Variants in PRKN observed in about 807,000 individuals in gnomAD.
PRKN encodes the protein parkin RBR E3 ubiquitin protein ligase.
In PRKN, 56 loss-of-function variants were observed where a neutral mutation model predicts 59.5. That is an observed-to-expected ratio of 0.94 (90% CI 0.76 to 1.18). PRKN has a LOEUF of 1.18. Among genes scored for constraint, PRKN ranks in the 50% most tolerant of loss-of-function variants. PRKN has a pLI of 0.00. For synonymous variants in PRKN, 250 were observed against 222.1 expected (o/e 1.13, Z -1.12); for missense variants, 657 against 596.4 (o/e 1.10, Z -1.06).
Position 162,127,378 on chromosome 6 carries a change from G to A in PRKN, c.535-73204C>T, listed in dbSNP as rs574244491. 1.2e-4 allele frequency among the ~76,000 whole-genome samples: 19 copies of A among 152,302 alleles called. 1 individual carries two copies. In the South Asian group the frequency reaches 3.9e-3, roughly 32 times the overall value. On this transcript the variant is annotated intron_variant, in intron 4 of 11. Transcript: ENST00000366898. ...TGCTGTCTAGCAAAAAGGAGCTAAA[G>A]AGTGAGAAAGATGAGTTAAAAATGC...
chr6:162,039,918 C>A (rs964916594), intron 5 of PRKN, among the ~76,000 whole-genome samples: 24 of 152,096 alleles, frequency 1.6e-4, no homozygotes, highest in Non-Finnish European at 3.1e-4. Flanking sequence ...ACAAACCACC[C>A]CAAATGTTAG....
chr6:161,427,906 C>A (rs1788459119), intron 9 of PRKN, among the ~76,000 whole-genome samples: 1 of 152,116 alleles, frequency 6.6e-6, no homozygotes, highest in South Asian at 2.1e-4. Context: ...GGCGTGACTC[C>A]AGACTGAAAT....
At chr6:161,861,341 T>C (rs1004723860) in intron 6 of PRKN, among the ~76,000 whole-genome samples, 1 of 152,018 alleles carries the variant, frequency 6.6e-6, no homozygotes, top group African/African-American at 2.4e-5. Context: ...AACCAAACAA[T>C]GCATGTTCTC....
intron 5 of PRKN, among the ~76,000 whole-genome samples, chr6:161,974,257 A>G (rs1353226283): frequency 6.6e-6 from 1 of 152,134 alleles, no homozygotes; most frequent in Non-Finnish European, 1.5e-5. Flanking sequence ...TCCAGCCGAG[A>G]GTTTAGCAGA....
intron 1 of PRKN, among the ~76,000 whole-genome samples, chr6:162,452,340 A>C (rs1790665378): frequency 1.3e-5 from 2 of 152,166 alleles, no homozygotes; most frequent in African/African-American, 4.8e-5. Flanking sequence ...TAAATACAGA[A>C]GATAATTAGG....
chr6:162,068,420 T>G (rs1489493651), intron 4 of PRKN, among the ~76,000 whole-genome samples: 1 of 152,196 alleles, frequency 6.6e-6, no homozygotes, highest in Non-Finnish European at 1.5e-5. Flanking sequence ...GCAGGCCTGG[T>G]GTGACTTCTG....
intron 2 of PRKN, among the ~76,000 whole-genome samples, chr6:162,348,346 A>G (rs954372812): frequency 3.9e-5 from 6 of 152,310 alleles, no homozygotes; most frequent in African/African-American, 1.4e-4. Context: ...GTCCCAGAAC[A>G]ACGACCAAAA....
chr6:162,317,975 A>C (rs1782822501), intron 2 of PRKN, among the ~76,000 whole-genome samples: 1 of 151,978 alleles, frequency 6.6e-6, no homozygotes, highest in Admixed American at 6.6e-5. Context: ...TACATTAAGC[A>C]TATTCACATT....
intron 7 of PRKN, among the ~76,000 whole-genome samples, chr6:161,611,048 G>A (rs2128146684): frequency 6.6e-6 from 1 of 152,300 alleles, no homozygotes; most frequent in Middle Eastern, 3.4e-3. Flanking sequence ...TTGAAGCCTT[G>A]TTCTCACGTC....
At chr6:161,959,890 C>A (rs373717272) in intron 6 of PRKN, among the ~76,000 whole-genome samples, 1 of 152,076 alleles carries the variant, frequency 6.6e-6, no homozygotes, top group African/African-American at 2.4e-5. Flanking sequence ...ATTGATCTGC[C>A]CCCAGTCAGA....
chr6:162,471,072 T>TTTA (rs1562789137), intron 1 of PRKN, among the ~76,000 whole-genome samples: 1 of 87,966 alleles, frequency 1.1e-5, no homozygotes, highest in Non-Finnish European at 2.5e-5. Flanking sequence ...ACACTCTATT[T>TTTA]TTTATTTATT....
At chr6:162,463,364 A>T (rs956609511) in intron 1 of PRKN, among the ~76,000 whole-genome samples, 1 of 152,150 alleles carries the variant, frequency 6.6e-6, no homozygotes, top group Non-Finnish European at 1.5e-5. Context: ...TTCTGTTAGG[A>T]GATTATTCTC....
In PRKN at chr6:162,069,124, T is replaced by C. The variant is rs186384540; in HGVS notation, c.535-14950A>G. The stretch of plus-strand genomic sequence containing the variant: ...CCCACCCAAATCTCAACTTGAATTG[T>C]ATCTCCCAGAATTCCCACGTGTTGT... On this transcript the variant is annotated intron_variant, in intron 4 of 11. Coordinates refer to ENST00000366898, the MANE Select transcript of PRKN (RefSeq NM_004562.3). Among the ~76,000 whole-genome samples, 246 of 152,272 alleles carry C rather than the reference T, an allele frequency of 1.6e-3. 2 individuals carry two copies. The highest frequency in any genetic ancestry group is 5.7e-3 in the African/African-American group (238 of 41,562).
chr6:162,025,959 A>C (rs748149844), intron 5 of PRKN, among the ~76,000 whole-genome samples: 29 of 152,068 alleles, frequency 1.9e-4, no homozygotes, highest in Non-Finnish European at 2.9e-4. Context: ...TGAGGGCCAA[A>C]CAAGCAGTTG....
At position 162,690,376 on chromosome 6, in the gene PRKN, G is replaced by A. The variant is rs534929184; in HGVS notation, c.7+37286C>T. On this transcript the variant is annotated intron_variant, in intron 1 of 11. Transcript: ENST00000366898. Reference sequence around the variant, plus strand: ...GCTGCTGTTCAAACTCAAGCAACCTGCTTTCAGAGTCTCTGTTTCCTTGTT... The same window carrying A: ...GCTGCTGTTCAAACTCAAGCAACCTACTTTCAGAGTCTCTGTTTCCTTGTT... Among the ~76,000 whole-genome samples the A allele has an allele frequency of 4.7e-4, 71 of 152,318 alleles. No individual in the cohort carries two copies. In the South Asian group the frequency reaches 6.6e-3, roughly 14 times the overall value.
intron 6 of PRKN, among the ~76,000 whole-genome samples, chr6:161,971,516 A>C (rs922449228): frequency 6.6e-6 from 1 of 152,178 alleles, no homozygotes; most frequent in Non-Finnish European, 1.5e-5. Context: ...AAACACCAGA[A>C]TCCCCATCTT....
intron 2 of PRKN, among the ~76,000 whole-genome samples, chr6:162,306,496 C>T (rs560745420): frequency 1.6e-4 from 24 of 152,168 alleles, no homozygotes; most frequent in Non-Finnish European, 2.8e-4. Flanking sequence ...AATCCCTACA[C>T]GTGCTGTAGA....
At chr6:162,259,115 C>T (rs1779778018) in intron 3 of PRKN, among the ~76,000 whole-genome samples, 2 of 152,136 alleles carry the variant, frequency 1.3e-5, no homozygotes, top group Admixed American at 1.3e-4. Flanking sequence ...TTCTGAGGCA[C>T]AGGTTTTCAA....
At chr6:162,681,748 C>T (rs1779776883) in intron 1 of PRKN, among the ~76,000 whole-genome samples, 1 of 152,032 alleles carries the variant, frequency 6.6e-6, no homozygotes, top group Admixed American at 6.6e-5. Flanking sequence ...TCTGAATGGT[C>T]GTTTTCCAAG....
Sources: allele counts gnomAD v4.1 joint callset (sites outside exome capture counted in the v4.1 genomes callset), GRCh38; gene constraint gnomAD v4.1.1; transcripts MANE v1.5; gene names NCBI Gene and HGNC (gene_info 2026-07-23, HGNC 2026-07-21).